CNTNAP3: variants seen among roughly 807,000 people sequenced by gnomAD.
CNTNAP3 encodes contactin associated protein family member 3, also known as contactin-associated protein-like 3.
CNTNAP3 carries 36 observed loss-of-function variants against 92.1 expected under a neutral mutation model. The ratio of observed to expected loss-of-function variants is 0.39; its 90% CI spans 0.30 to 0.52. CNTNAP3 has a LOEUF of 0.52. Ranked by LOEUF, CNTNAP3 falls within the 20% of genes least tolerant of loss-of-function variation. The probability of loss-of-function intolerance (pLI) is 0.76; values close to 1 mark genes in which losing one functional copy is unlikely to be tolerated. For missense variants in CNTNAP3, 534 were observed against 1,069.6 expected (o/e 0.50, Z 6.98); for synonymous variants, 232 against 422.3 (o/e 0.55, Z 5.53).
chr9:39,114,243 T>A (rs1303119635), intron 14 of CNTNAP3, among the ~76,000 whole-genome samples: 1 of 151,640 alleles, frequency 6.6e-6, no homozygotes, highest in Non-Finnish European at 1.5e-5. Context: ...CCACCATGCC[T>A]GGCTAATATT....
At chr9:39,128,225 T>C (rs2262315) in intron 13 of CNTNAP3, among the ~76,000 whole-genome samples, 14,084 of 148,510 alleles carry the variant, frequency 0.095, 813 homozygotes, top group African/African-American at 0.17. Flanking sequence ...CTAGAGAATG[T>C]TACCAAATTC....
intron 9 of CNTNAP3, 54 bp from the exon 10 acceptor site, chr9:39,150,031 C>T (rs1418437462): frequency 5.2e-6 from 8 of 1,526,476 alleles, no homozygotes; most frequent in Middle Eastern, 2.4e-4. Context: ...AAAACTATTC[C>T]ACAGTATTTA....
intron 14 of CNTNAP3, 49 bp from the exon 15 acceptor site, chr9:39,109,336 G>A (rs1042711005): frequency 1.2e-6 from 2 of 1,603,456 alleles, no homozygotes; most frequent in Non-Finnish European, 8.5e-7. Context: ...TTAACATACG[G>A]GCAAAATTAA....
In CNTNAP3 at chr9:39,113,261, C is replaced by T. The variant is rs1317313774; in HGVS notation, c.2238-3974G>A. On this transcript the variant is annotated intron_variant, in intron 14 of 23. Transcript: ENST00000297668. Reference sequence around the variant, plus strand: ...TTAAGATACTGAGTCATACTATCCACGACAGTAGTGAGTCAATCCATTTAT... The same window carrying T: ...TTAAGATACTGAGTCATACTATCCATGACAGTAGTGAGTCAATCCATTTAT... Among the ~76,000 whole-genome samples, 18 of 152,208 alleles carry T rather than the reference C, an allele frequency of 1.2e-4. 1 individual carries two copies. In the South Asian group the frequency reaches 2.1e-3, roughly 18 times the overall value.
At chr9:39,104,873 T>C (rs541620204) in intron 15 of CNTNAP3, among the ~76,000 whole-genome samples, 1 of 152,168 alleles carries the variant, frequency 6.6e-6, no homozygotes, top group Non-Finnish European at 1.5e-5. Context: ...ACTGGTCCTG[T>C]TAGTTTCAAC....
rs757763843 is a variant in CNTNAP3, at chr9:39,149,864, G to C, written c.1591C>G (p.Gln531Glu). 1 of 1,604,360 alleles carries C rather than the reference G, an allele frequency of 6.2e-7. No individual in the cohort carries two copies. The highest frequency in any genetic ancestry group is 8.5e-7 in the Non-Finnish European group (1 of 1,176,176). ...DKAVDPILVQ[Q>E]GALGSFRDLQ... Reference sequence around the variant, plus strand: ...TCCCTGAAACTCCCCAGCGCCCCCTGCTGTACTAAGATGGGATCCACCGCT... The same window carrying C: ...TCCCTGAAACTCCCCAGCGCCCCCTCCTGTACTAAGATGGGATCCACCGCT... Residue 531 changes from glutamine to glutamate, a missense_variant, in exon 10 of 24, where the codon CAG becomes GAG. By Grantham distance (29) the Gln-to-Glu change is conservative. Coordinates refer to ENST00000297668, the MANE Select transcript of CNTNAP3 (RefSeq NM_033655.5).
rs1161204332 is a variant in CNTNAP3, at chr9:39,080,561, G to A, written c.3443-1641C>T. Among the ~76,000 whole-genome samples the A allele has an allele frequency of 1.5e-5, 2 of 136,638 alleles. 1 individual carries two copies. Among genetic ancestry groups the A allele is most frequent in the Non-Finnish European group, 3.2e-5 (2 of 63,378 alleles). The allele number at this position is 136,638 out of a possible 152,430, so 89.6% of individuals were successfully genotyped here. ...TAGTCCTGAATAAAGTCTGCCACACGATCTTAACAAGAGTATTTTTATCTT... is the reference window on the plus strand; with the variant it reads ...TAGTCCTGAATAAAGTCTGCCACACAATCTTAACAAGAGTATTTTTATCTT... On this transcript the variant is annotated intron_variant, in intron 21 of 23. Coordinates refer to ENST00000297668, the MANE Select transcript of CNTNAP3 (RefSeq NM_033655.5).
intron 16 of CNTNAP3, 143 bp from the exon 17 acceptor site, chr9:39,102,858 G>C: frequency 1.7e-6 from 2 of 1,162,108 alleles, no homozygotes. Context: ...GAGTTGGGGT[G>C]GGGGCAGAAT....
intron 20 of CNTNAP3, 107 bp from the exon 21 acceptor site, chr9:39,085,930 G>A: frequency 2.8e-6 from 3 of 1,085,494 alleles, no homozygotes; most frequent in Non-Finnish European, 4.2e-6. Context: ...TCACTTTTAA[G>A]TACCATTACA....
chr9:39,069,710 T>G lies in CNTNAP3; in HGVS notation c.*4180A>C, dbSNP rs1269332971. Among the ~76,000 whole-genome samples, 1 of 152,312 alleles carries G rather than the reference T, an allele frequency of 6.6e-6. No individual in the cohort carries two copies. Among genetic ancestry groups the G allele is most frequent in the Non-Finnish European group, 1.5e-5 (1 of 68,058 alleles). Reference sequence around the variant, plus strand: ...CTAGTAATGGCAACTTTATGTAACCTTCTTAAGGTTACATTTGCACTTAAG... The same window carrying G: ...CTAGTAATGGCAACTTTATGTAACCGTCTTAAGGTTACATTTGCACTTAAG... On this transcript the variant is annotated 3_prime_UTR_variant, in exon 24 of 24. Coordinates refer to ENST00000297668, the MANE Select transcript of CNTNAP3 (RefSeq NM_033655.5).
chr9:39,078,695 C>A lies in CNTNAP3; in HGVS notation c.3668G>T (p.Gly1223Val), dbSNP rs1313051166. 6.5e-7 allele frequency: 1 copy of A among 1,536,652 alleles called. No individual in the cohort carries two copies. Residue 1223 changes from glycine (G) to valine (V), a missense_variant, in exon 22 of 24, where the codon GGC becomes GTC. Coordinates refer to ENST00000297668, the MANE Select transcript of CNTNAP3 (RefSeq NM_033655.5). ...AGGGGTGGAGGGCCACACACCTGCGCCCCCCGCGAGTCGGGGAGCCAGTTC... is the reference window on the plus strand; with the variant it reads ...AGGGGTGGAGGGCCACACACCTGCGACCCCCGCGAGTCGGGGAGCCAGTTC... ...ARELAPRLAG[G>V]AGRSGPADEG...
At position 39,068,271 on chromosome 9, in the gene CNTNAP3, C is replaced by T. The variant is rs1326702978; in HGVS notation, c.*5619G>A. 9.7e-5 allele frequency among the ~76,000 whole-genome samples: 13 copies of T among 134,232 alleles called. No individual in the cohort carries two copies. The highest frequency in any genetic ancestry group is 1.5e-4 in the Admixed American group (2 of 13,432). 88.1% of individuals were successfully genotyped at this position (134,232 alleles called of 152,430 possible). Reference sequence around the variant, plus strand: ...AAAAAAAAAAAAAAAAAAAAATTAGCTGGGCATGTTGGCTTGTGCCTGTAG... The same window carrying T: ...AAAAAAAAAAAAAAAAAAAAATTAGTTGGGCATGTTGGCTTGTGCCTGTAG... On this transcript the variant is annotated 3_prime_UTR_variant, in exon 24 of 24. Transcript: ENST00000297668.
Position 39,085,834 on chromosome 9 carries a change from T to C in CNTNAP3, c.3355-11A>G. 1.9e-6 allele frequency: 3 copies of C among 1,548,158 alleles called. No individual in the cohort carries two copies. The highest frequency in any genetic ancestry group is 2.7e-6 in the Non-Finnish European group (3 of 1,128,528). On this transcript the variant is annotated splice_polypyrimidine_tract_variant and intron_variant, in intron 20 of 23. Coordinates refer to ENST00000297668, the MANE Select transcript of CNTNAP3 (RefSeq NM_033655.5). The stretch of plus-strand genomic sequence containing the variant: ...TGTGCTCTGGTTAACCTATTAGATG[T>C]CCCATGAGAAGCAAACATCAACAGA...
At chr9:39,147,599 T>C (rs1012313785) in intron 10 of CNTNAP3, among the ~76,000 whole-genome samples, 5 of 152,200 alleles carry the variant, frequency 3.3e-5, no homozygotes, top group African/African-American at 1.2e-4. Context: ...TTATCTGCAA[T>C]GATTATTGTA....
intron 17 of CNTNAP3, among the ~76,000 whole-genome samples, chr9:39,100,508 T>G (rs540559236): frequency 2.0e-4 from 30 of 152,186 alleles, no homozygotes; most frequent in African/African-American, 7.2e-4. Flanking sequence ...AGAATGTGTA[T>G]TCATCAAACA....
chr9:39,102,140 T>C (rs1424223083), intron 17 of CNTNAP3, among the ~76,000 whole-genome samples: 6 of 152,226 alleles, frequency 3.9e-5, no homozygotes, highest in African/African-American at 1.4e-4. Context: ...TAGCCAGGCG[T>C]GGTGGCACCT....
At position 39,065,842 on chromosome 9, in the gene CNTNAP3, A is replaced by G. The variant is rs2118319012; in HGVS notation, c.*8048T>C. Among the ~76,000 whole-genome samples, 2 of 152,252 alleles carry G rather than the reference A, an allele frequency of 1.3e-5. No individual in the cohort carries two copies. Among genetic ancestry groups the G allele is most frequent in the Middle Eastern group, 3.4e-3 (1 of 294 alleles). On this transcript the variant is annotated 3_prime_UTR_variant, in exon 24 of 24. Transcript: ENST00000297668. ...TTGAGTTGTTAAGAGTTCTTTATGA[A>G]CTATATTCTGAAAAAAATTTACAGC... is the stretch of plus-strand genomic sequence containing the variant.
chr9:39,104,039 G>C, intron 15 of CNTNAP3, 125 bp from the exon 16 acceptor site: 1 of 1,450,664 alleles, frequency 6.9e-7, no homozygotes, highest in Non-Finnish European at 9.2e-7. Flanking sequence ...GCTTTCACTG[G>C]GGGTTCTGAG....
In CNTNAP3 at chr9:39,132,934, C is replaced by CT. The variant is rs1225489500; in HGVS notation, c.2077_2078insA (p.Arg693GlnfsTer15). On this transcript the variant is annotated frameshift_variant, in exon 13 of 24. Transcript: ENST00000297668. LOFTEE classifies it high-confidence loss of function. ...TAGCCTCCAGGAGTGGCGCTTACCT[C>CT]GTGAGTCCGGGCGCCGCGCCGTCCC... The CT allele has an allele frequency of 1.9e-6, 3 of 1,543,852 alleles. No homozygotes were observed. The highest frequency in any genetic ancestry group is 2.6e-6 in the Non-Finnish European group (3 of 1,154,914).
Sources: allele counts gnomAD v4.1 joint callset (sites outside exome capture counted in the v4.1 genomes callset), GRCh38; gene constraint gnomAD v4.1.1; transcripts MANE v1.5; gene names NCBI Gene and HGNC (gene_info 2026-07-23, HGNC 2026-07-21).